Variants in RIC8B observed in about 807,000 individuals in gnomAD.
The protein encoded by RIC8B is chaperone Ric-8B.
RIC8B carries 16 observed loss-of-function variants against 57.5 expected under a neutral mutation model. The ratio of observed to expected loss-of-function variants is 0.28; its 90% CI spans 0.19 to 0.42. RIC8B has a LOEUF of 0.42. RIC8B is among the 10% of genes least tolerant of loss of function. The pLI is 1.00. For missense variants in RIC8B, 481 were observed against 677.0 expected, an observed-to-expected ratio of 0.71 and a Z score of 3.21; for synonymous variants, 216 against 250.8, an observed-to-expected ratio of 0.86 and a Z score of 1.31.
At position 106,886,062 on chromosome 12, in the gene RIC8B, C is replaced by A. The variant is rs540520964; in HGVS notation, c.*47C>A. 1.6e-6 allele frequency: 2 copies of A among 1,287,108 alleles called. No individual in the cohort carries two copies. The highest frequency in any genetic ancestry group is 2.9e-5 in the African/African-American group (2 of 68,476). 79.7% of individuals were successfully genotyped at this position (1,287,108 alleles called of 1,614,324 possible). On this transcript the variant is annotated 3_prime_UTR_variant, in exon 10 of 10. Coordinates refer to ENST00000392837, the MANE Select transcript of RIC8B (RefSeq NM_001330145.2). ...CAATATTGCTTTATCAGCATCTTTT[C>A]TCTGTAGCTCCAGGGGAATCTTTTC...
At chr12:106,806,522 T>G (rs2045030496) in intron 2 of RIC8B, among the ~76,000 whole-genome samples, 1 of 152,162 alleles carries the variant, frequency 6.6e-6, no homozygotes, top group African/African-American at 2.4e-5. Context: ...GCAATCTCAT[T>G]TACTTTTGTA....
At position 106,887,234 on chromosome 12, in the gene RIC8B, A is replaced by C. The variant is rs1447788540; in HGVS notation, c.*1219A>C. On this transcript the variant is annotated 3_prime_UTR_variant, in exon 10 of 10. Coordinates refer to ENST00000392837, the MANE Select transcript of RIC8B (RefSeq NM_001330145.2). ...TATACATATATACATAATGTGCTTA[A>C]CCACTGCCTTTTAAAACTTTAAATT... 6.6e-6 allele frequency: 1 copy of C among 152,552 alleles called. No homozygotes were observed. Among genetic ancestry groups the C allele is most frequent in the Admixed American group, 6.6e-5 (1 of 15,260 alleles). The allele number at this position is 152,552 out of a possible 1,614,324, so 9.4% of individuals were successfully genotyped here.
chr12:106,800,636 A>C (rs2044691547), intron 2 of RIC8B, among the ~76,000 whole-genome samples: 1 of 152,190 alleles, frequency 6.6e-6, no homozygotes, highest in Non-Finnish European at 1.5e-5. Context: ...ACAAACATAC[A>C]GTCCATATGT....
At chr12:106,839,922 G>A (rs997341952) in intron 4 of RIC8B, among the ~76,000 whole-genome samples, 1 of 152,132 alleles carries the variant, frequency 6.6e-6, no homozygotes, top group Non-Finnish European at 1.5e-5. Context: ...GGAGGCTGAG[G>A]TGGGAGGATC....
rs61011851 is a variant in RIC8B at position 106,831,184 on chromosome 12, A to G, written c.836+5364A>G. On this transcript the variant is annotated intron_variant, in intron 4 of 9. Transcript: ENST00000392837. ...CACTCAACCCTAGATCTGTCAGCCCACCTTCTTTCTCCACAGGCTGCTGAG... is the reference window on the plus strand; with the variant it reads ...CACTCAACCCTAGATCTGTCAGCCCGCCTTCTTTCTCCACAGGCTGCTGAG... Among the ~76,000 whole-genome samples, 132 of 152,256 alleles carry G rather than the reference A, an allele frequency of 8.7e-4. 2 individuals carry two copies. Among genetic ancestry groups the G allele is most frequent in the African/African-American group, 2.8e-3 (115 of 41,536 alleles).
chr12:106,836,284 G>T (rs916836217), intron 4 of RIC8B, among the ~76,000 whole-genome samples: 1 of 152,048 alleles, frequency 6.6e-6, no homozygotes, highest in Non-Finnish European at 1.5e-5. Flanking sequence ...CTCCTTTACT[G>T]ATCTAATACA....
At chr12:106,812,107 G>T (rs1336590534) in intron 2 of RIC8B, among the ~76,000 whole-genome samples, 1 of 152,088 alleles carries the variant, frequency 6.6e-6, no homozygotes, top group African/African-American at 2.4e-5. Flanking sequence ...CCAAAAAGTG[G>T]TATTAATTTT....
At chr12:106,777,696 A>G (rs962066026) in intron 1 of RIC8B, among the ~76,000 whole-genome samples, 7 of 152,226 alleles carry the variant, frequency 4.6e-5, no homozygotes, top group Non-Finnish European at 8.8e-5. Context: ...TATTAGCTTT[A>G]TGACTATGGA....
chr12:106,824,197 A>C (rs2045987459), intron 3 of RIC8B, among the ~76,000 whole-genome samples: 2 of 152,120 alleles, frequency 1.3e-5, no homozygotes, highest in East Asian at 3.8e-4. Context: ...TTCAAATGTT[A>C]TATTGAAAGC....
At chr12:106,785,773 T>C (rs1262197623) in intron 2 of RIC8B, among the ~76,000 whole-genome samples, 3 of 117,474 alleles carry the variant, frequency 2.6e-5, no homozygotes, top group Non-Finnish European at 5.6e-5. Flanking sequence ...GCTCCAGACA[T>C]GTGTATTCTA....
At chr12:106,860,505 T>G in intron 8 of RIC8B, 93 bp downstream of exon 8, 12 of 1,030,716 alleles carry the variant, frequency 1.2e-5, no homozygotes, top group African/African-American at 1.7e-5. Context: ...TTCTTTTCTC[T>G]TGTGGATTTG....
chr12:106,838,960 C>T (rs2046743782), intron 4 of RIC8B, among the ~76,000 whole-genome samples: 1 of 150,002 alleles, frequency 6.7e-6, no homozygotes, highest in Admixed American at 6.6e-5. Context: ...TCAGTATCAC[C>T]TCATACCTTG....
chr12:106,779,233 A>AT (rs58546342), intron 1 of RIC8B, among the ~76,000 whole-genome samples: 3,168 of 132,930 alleles, frequency 0.024, 55 homozygotes, highest in Non-Finnish European at 0.034. Context: ...TCCTATATAC[A>AT]TTTTTTTTTT....
chr12:106,821,681 A>G (rs2045848655), intron 3 of RIC8B, among the ~76,000 whole-genome samples: 1 of 152,188 alleles, frequency 6.6e-6, no homozygotes. Context: ...AAGCAAAAAG[A>G]CAAGACACCA....
chr12:106,844,534 T>C (rs1267162231), intron 6 of RIC8B, among the ~76,000 whole-genome samples: 1 of 152,156 alleles, frequency 6.6e-6, no homozygotes, highest in Non-Finnish European at 1.5e-5. Flanking sequence ...AAGAGCCAGA[T>C]ACAGCAGGCG....
chr12:106,832,581 A>AT (rs11375737), intron 4 of RIC8B, among the ~76,000 whole-genome samples: 1 of 151,734 alleles, frequency 6.6e-6, no homozygotes, highest in Non-Finnish European at 1.5e-5. Flanking sequence ...AAAAAAAAAA[A>AT]TTTATGCTTA....
intron 8 of RIC8B, among the ~76,000 whole-genome samples, chr12:106,865,114 C>T (rs1426308171): frequency 6.6e-6 from 1 of 152,112 alleles, no homozygotes; most frequent in African/African-American, 2.4e-5. Flanking sequence ...TGCTCTCTTG[C>T]GTATATACCC....
At chr12:106,857,602 A>G (rs948156173) in intron 7 of RIC8B, among the ~76,000 whole-genome samples, 1 of 152,224 alleles carries the variant, frequency 6.6e-6, no homozygotes, top group Admixed American at 6.5e-5. Flanking sequence ...CTGCATGGAT[A>G]ATTACTATGC....
intron 2 of RIC8B, among the ~76,000 whole-genome samples, chr12:106,804,177 A>G (rs1469020969): frequency 6.6e-6 from 1 of 151,656 alleles, no homozygotes; most frequent in African/African-American, 2.4e-5. Context: ...AATTCCCTCA[A>G]CAACCCTATG....
Sources: allele counts gnomAD v4.1 joint callset (sites outside exome capture counted in the v4.1 genomes callset), GRCh38; gene constraint gnomAD v4.1.1; transcripts MANE v1.5; gene names NCBI Gene and HGNC (gene_info 2026-07-23, HGNC 2026-07-21).